Variants in ZNF562 observed in about 807,000 individuals in gnomAD.
ZNF562 encodes zinc finger protein 562.
In ZNF562, 13 loss-of-function variants were observed where a neutral mutation model predicts 17.5. The ratio of observed to expected loss-of-function variants is 0.74; its 90% CI spans 0.48 to 1.18. ZNF562 has a LOEUF of 1.18. Ranked by LOEUF, ZNF562 falls within the 50% of genes most tolerant of loss-of-function variation. The pLI is 0.00. For synonymous variants in ZNF562, 163 were observed against 165.4 expected (o/e 0.99, Z 0.11); for missense variants, 481 against 498.5 (o/e 0.96, Z 0.33).
chr19:9,660,826 G>A lies in ZNF562; in HGVS notation c.-82C>T, dbSNP rs528386465. 1.1e-4 allele frequency: 161 copies of A among 1,443,612 alleles called. No individual in the cohort carries two copies. Among genetic ancestry groups the A allele is most frequent in the Non-Finnish European group, 1.5e-4 (157 of 1,037,478 alleles). The allele number at this position is 1,443,612 out of a possible 1,614,324, so 89.4% of individuals were successfully genotyped here. A position where few individuals can be genotyped will look rare whatever the true frequency, so the allele number is the denominator to read the frequency against. On this transcript the variant is annotated 5_prime_UTR_variant, in exon 2 of 6. Coordinates refer to ENST00000453372, the MANE Select transcript of ZNF562 (RefSeq NM_001130031.2). The stretch of plus-strand genomic sequence containing the variant: ...GCCTCAGGGCAGCTTATGAATCTAG[G>A]TGGATACAGGCAATCTCCATTCCCC...
chr19:9,659,250 G>A, intron 3 of ZNF562, 129 bp downstream of exon 3: 1 of 796,138 alleles, frequency 1.3e-6, no homozygotes, highest in Non-Finnish European at 2.0e-6. Context: ...ATTCACCTGG[G>A]GATTCAGTCC....
chr19:9,661,611 T>G (rs909328438), intron 1 of ZNF562, among the ~76,000 whole-genome samples: 1 of 152,060 alleles, frequency 6.6e-6, no homozygotes, highest in Non-Finnish European at 1.5e-5. Flanking sequence ...CTGGCCAACA[T>G]AGTGAAACCC....
In ZNF562 at chr19:9,642,884, A is replaced by T. The variant is rs1002892408; in HGVS notation, c.*10065T>A. On this transcript the variant is annotated 3_prime_UTR_variant, in exon 6 of 6. Transcript: ENST00000453372. ...CGACCAAAAAAAAAAAAATTTAAAA[A>T]TAAAAAAATTAGCCGGGCCTGGTGG... is the stretch of plus-strand genomic sequence containing the variant. 5.9e-5 allele frequency: 9 copies of T among 151,752 alleles called. No individual in the cohort carries two copies. The East Asian group carries it at 1.7e-3, about 29-fold the overall frequency. The allele number at this position is 151,752 out of a possible 1,614,324, so 9.4% of individuals were successfully genotyped here.
At position 9,653,786 on chromosome 19, in the gene ZNF562, A is replaced by G. The variant is rs753100541; in HGVS notation, c.444T>C (p.Asn148=). 14 of 1,614,002 alleles carry G rather than the reference A, an allele frequency of 8.7e-6. No individual in the cohort carries two copies. The highest frequency in any genetic ancestry group is 1.2e-5 in the Non-Finnish European group (14 of 1,179,964). The stretch of plus-strand genomic sequence containing the variant: ...AATTACCCTCAAAAGTGTTCCCTCC[A>G]TTCTGAGCTCTCATGTGTGTCTTAA... The part of the protein sequence containing the change: ...FCLKTHMRAQ[N]GGNTFEGNCY... Residue 148 remains asparagine, a synonymous_variant, in exon 6 of 6, where the codon AAT becomes AAC. Transcript: ENST00000453372.
At position 9,650,107 on chromosome 19, in the gene ZNF562, C is replaced by T. The variant is rs1323889890; in HGVS notation, c.*2842G>A. 2 of 151,840 alleles carry T rather than the reference C, an allele frequency of 1.3e-5. No individual in the cohort carries two copies. The highest frequency in any genetic ancestry group is 2.4e-5 in the African/African-American group (1 of 41,358). The allele number at this position is 151,840 out of a possible 1,614,324, so 9.4% of individuals were successfully genotyped here. A position where few individuals can be genotyped will look rare whatever the true frequency, so the allele number is the denominator to read the frequency against. On this transcript the variant is annotated 3_prime_UTR_variant, in exon 6 of 6. Transcript: ENST00000453372. ...AAGAAATAAAAGCCTACAGCCAAAC[C>T]AACAAAATAGAGTGCATATCTCACC...
chr19:9,668,892 G>T (rs2044046116), intron 1 of ZNF562, among the ~76,000 whole-genome samples: 1 of 152,076 alleles, frequency 6.6e-6, no homozygotes, highest in Non-Finnish European at 1.5e-5. Context: ...TTCAATAAAT[G>T]CTGCTGGGAA....
At chr19:9,672,872 C>T (rs371327004) in intron 1 of ZNF562, among the ~76,000 whole-genome samples, 114 of 151,174 alleles carry the variant, frequency 7.5e-4, no homozygotes, top group African/African-American at 1.5e-3. Flanking sequence ...CTCCGCCTCC[C>T]GGGTTAAAGT....
chr19:9,672,519 G>A (rs935373629), intron 1 of ZNF562, among the ~76,000 whole-genome samples: 5 of 151,866 alleles, frequency 3.3e-5, no homozygotes, highest in African/African-American at 9.7e-5. Context: ...TTTTCCTTAG[G>A]ATCAAATTTT....
In ZNF562 at chr19:9,659,929, TAAAAAAAAAAAAAAAAAAAAAAAAAAAA is replaced by T. The variant is rs763657709; in HGVS notation, c.26-490_26-463del. On this transcript the variant is annotated intron_variant, in intron 2 of 5. Transcript: ENST00000453372. ...CAACATGGCAAAACCCCGTCTCTAC[TAAAAAAAAAAAAAAAAAAAAAAAAAAAA>T]AAAAAAAAAAAAAAAAAAAAACTAC... 3.1e-3 allele frequency among the ~76,000 whole-genome samples: 115 copies of T among 37,368 alleles called. 1 individual carries two copies. Among genetic ancestry groups the T allele is most frequent in the African/African-American group, 5.2e-3 (47 of 9,110 alleles). The allele number at this position is 37,368 out of a possible 152,430, so 24.5% of individuals were successfully genotyped here.
intron 4 of ZNF562, among the ~76,000 whole-genome samples, chr19:9,657,404 AC>A (rs2043543277): frequency 6.6e-6 from 1 of 150,830 alleles, no homozygotes; most frequent in Non-Finnish European, 1.5e-5. Flanking sequence ...AAAAAAAAAA[AC>A]CAAAAAAAAC....
rs1054885944 is a variant in ZNF562 at position 9,646,807 on chromosome 19, T to C, written c.*6142A>G. The C allele has an allele frequency of 4.0e-5, 6 of 151,112 alleles. No homozygotes were observed. Among genetic ancestry groups the C allele is most frequent in the African/African-American group, 1.5e-4 (6 of 41,092 alleles). The allele number at this position is 151,112 out of a possible 1,614,324, so 9.4% of individuals were successfully genotyped here. On this transcript the variant is annotated 3_prime_UTR_variant, in exon 6 of 6. Coordinates refer to ENST00000453372, the MANE Select transcript of ZNF562 (RefSeq NM_001130031.2). ...TTTTTATGAGATGGAGTTTTGCTCTTGTCACCCAGGCTGGAGTGCAGTGGC... is the reference window on the plus strand; with the variant it reads ...TTTTTATGAGATGGAGTTTTGCTCTCGTCACCCAGGCTGGAGTGCAGTGGC...
In ZNF562 at chr19:9,655,717, C is replaced by CTTTT. The variant is rs58199071; in HGVS notation, c.348+826_348+829dup. 6.2e-3 allele frequency among the ~76,000 whole-genome samples: 302 copies of CTTTT among 48,698 alleles called. 9 individuals are homozygous for CTTTT. The highest frequency in any genetic ancestry group is 7.8e-3 in the Non-Finnish European group (220 of 28,154). 31.9% of individuals were successfully genotyped at this position (48,698 alleles called of 152,430 possible). A position where few individuals can be genotyped will look rare whatever the true frequency, so the allele number is the denominator to read the frequency against. On this transcript the variant is annotated intron_variant, in intron 5 of 5. Transcript: ENST00000453372. ...TTACAGGATTCACTTTCTTTTCTTT[C>CTTTT]TTTTTTTTTTTTTTTTTTTTTTTTT...
chr19:9,672,161 C>T (rs997760455), intron 1 of ZNF562, among the ~76,000 whole-genome samples: 1 of 152,168 alleles, frequency 6.6e-6, no homozygotes, highest in Non-Finnish European at 1.5e-5. Flanking sequence ...CAAAAAGACA[C>T]TGAAGACACT....
chr19:9,660,320 A>C (rs1338208925), intron 2 of ZNF562, among the ~76,000 whole-genome samples: 1 of 151,908 alleles, frequency 6.6e-6, no homozygotes. Flanking sequence ...GTCTTACTTG[A>C]ATTCCTCCTT....
intron 1 of ZNF562, among the ~76,000 whole-genome samples, chr19:9,671,631 C>G (rs1382795857): frequency 6.6e-6 from 1 of 152,220 alleles, no homozygotes; most frequent in Non-Finnish European, 1.5e-5. Context: ...AGAGCAATTT[C>G]AGGCTGCAAT....
At chr19:9,669,359 A>T (rs2044061646) in intron 1 of ZNF562, among the ~76,000 whole-genome samples, 1 of 152,222 alleles carries the variant, frequency 6.6e-6, no homozygotes, top group Admixed American at 6.5e-5. Context: ...AATGCTCAAC[A>T]TCACTAATCA....
chr19:9,657,730 G>C (rs1178169373), intron 4 of ZNF562, among the ~76,000 whole-genome samples: 4 of 151,592 alleles, frequency 2.6e-5, no homozygotes, highest in Non-Finnish European at 5.9e-5. Flanking sequence ...TGCATTTTTA[G>C]TAGAGACAGG....
rs539445912 is a variant in ZNF562, at chr19:9,661,864, A to G, written c.-130-990T>C. ...CATATTGGCCAGGCTGGTCTCAAAC[A>G]AGTGATTCTCCCACTTCAGCCCCCA... is the stretch of plus-strand genomic sequence containing the variant. On this transcript the variant is annotated intron_variant, in intron 1 of 5. Transcript: ENST00000453372. Among the ~76,000 whole-genome samples, 40 of 152,186 alleles carry G rather than the reference A, an allele frequency of 2.6e-4. No individual in the cohort carries two copies. The South Asian group carries it at 5.6e-3, about 21-fold the overall frequency.
chr19:9,673,243 C>T (rs1364694437), intron 1 of ZNF562, among the ~76,000 whole-genome samples: 5 of 152,128 alleles, frequency 3.3e-5, no homozygotes, highest in Non-Finnish European at 5.9e-5. Context: ...GGGAGAGACA[C>T]AGAAGTAGGG....
Sources: gnomAD v4.1 joint callset for allele counts (sites outside exome capture counted in the v4.1 genomes callset) on GRCh38, gnomAD v4.1.1 for gene constraint, MANE v1.5 for transcripts, NCBI Gene and HGNC (gene_info 2026-07-23, HGNC 2026-07-21) for gene names.